The following ACO1 variants were observed in gnomAD, a reference collection of about 807,000 sequenced individuals.
The protein encoded by ACO1 is cytoplasmic aconitate hydratase.
ACO1 carries 78 observed loss-of-function variants against 105.1 expected under a neutral mutation model. That is an observed-to-expected ratio of 0.74 (90% confidence interval 0.62 to 0.90). ACO1 has a LOEUF of 0.90. Ranked by LOEUF, ACO1 falls within the 40% of genes least tolerant of loss-of-function variation. ACO1 has a pLI of 0.00. For missense variants in ACO1, 965 were observed against 1,111.1 expected, an observed-to-expected ratio of 0.87 and a Z score of 1.87; for synonymous variants, 364 against 397.4, an observed-to-expected ratio of 0.92 and a Z score of 1.00.
chr9:32,406,562 G>A (rs1040567267), intron 2 of ACO1, among the ~76,000 whole-genome samples: 1 of 152,146 alleles, frequency 6.6e-6, no homozygotes, highest in Non-Finnish European at 1.5e-5. Context: ...GTTTAAGGCT[G>A]CAATGAACTG....
intron 1 of ACO1, among the ~76,000 whole-genome samples, chr9:32,395,222 C>A (rs1587511660): frequency 3.3e-5 from 5 of 152,054 alleles, no homozygotes; most frequent in Admixed American, 2.0e-4. Context: ...ACACCTATAA[C>A]CCCAGCAATT....
intron 16 of ACO1, among the ~76,000 whole-genome samples, chr9:32,434,206 T>C (rs1822303264): frequency 6.6e-6 from 1 of 152,062 alleles, no homozygotes; most frequent in African/African-American, 2.4e-5. Flanking sequence ...CTCTCCTGGG[T>C]GGGTCACTGT....
At chr9:32,414,833 C>A (rs1821814644) in intron 4 of ACO1, among the ~76,000 whole-genome samples, 2 of 152,096 alleles carry the variant, frequency 1.3e-5, no homozygotes, top group South Asian at 4.1e-4. Context: ...AAATTAAATC[C>A]ATTTAGCAGA....
intron 13 of ACO1, among the ~76,000 whole-genome samples, chr9:32,430,083 T>C (rs1308014329): frequency 6.6e-6 from 1 of 152,266 alleles, no homozygotes; most frequent in Non-Finnish European, 1.5e-5. Context: ...ACGTATTCTA[T>C]AATTGTGCAT....
At chr9:32,447,063 T>G (rs1331430274) in intron 19 of ACO1, among the ~76,000 whole-genome samples, 2 of 150,466 alleles carry the variant, frequency 1.3e-5, no homozygotes, top group Non-Finnish European at 3.0e-5. Flanking sequence ...TGGGTCTTGT[T>G]GAGTATCTTT....
chr9:32,401,655 A>G (rs564696543), intron 1 of ACO1, among the ~76,000 whole-genome samples: 2 of 152,344 alleles, frequency 1.3e-5, no homozygotes, highest in East Asian at 1.9e-4. Flanking sequence ...AGTGTCCTCA[A>G]TTGAGCCAAA....
chr9:32,426,435 C>G (rs946028316), intron 11 of ACO1, among the ~76,000 whole-genome samples: 2 of 152,192 alleles, frequency 1.3e-5, no homozygotes, highest in African/African-American at 4.8e-5. Context: ...GGCCACTGGC[C>G]TGTTTCGCAA....
intron 17 of ACO1, 164 bp from the exon 18 acceptor site, chr9:32,436,086 C>A: frequency 1.1e-6 from 1 of 904,686 alleles, no homozygotes; most frequent in Non-Finnish European, 1.8e-6. Context: ...TCCGTTGAAG[C>A]TTTGGGGACA....
At position 32,384,729 on chromosome 9, in the gene ACO1, G is replaced by T. The variant is rs1041145611; in HGVS notation, c.-29G>T. 2.4e-6 allele frequency: 1 copy of T among 408,518 alleles called. No individual in the cohort carries two copies. 25.3% of individuals were successfully genotyped at this position (408,518 alleles called of 1,614,324 possible). A position where few individuals can be genotyped will look rare whatever the true frequency, so the allele number is the denominator to read the frequency against. On this transcript the variant is annotated 5_prime_UTR_variant, in exon 1 of 21. Transcript: ENST00000309951. ...CCGGTCGCGGGAGCCCCGCCGTGCAGTCGGAGGTGAGTACCGACGCGGCCC... is the reference window on the plus strand; with the variant it reads ...CCGGTCGCGGGAGCCCCGCCGTGCATTCGGAGGTGAGTACCGACGCGGCCC...
chr9:32,451,812 C>T lies in ACO1; in HGVS notation c.*1701C>T, dbSNP rs1454578835. The T allele has an allele frequency of 6.6e-6, 1 of 152,162 alleles. No homozygotes were observed. Among genetic ancestry groups the T allele is most frequent in the Non-Finnish European group, 1.5e-5 (1 of 68,032 alleles). 9.4% of individuals were successfully genotyped at this position (152,162 alleles called of 1,614,324 possible). A position where few individuals can be genotyped will look rare whatever the true frequency, so the allele number is the denominator to read the frequency against. On this transcript the variant is annotated 3_prime_UTR_variant, in exon 21 of 21. Transcript: ENST00000309951. ...GCGCAGTGGCTCATGCCTATAATTC[C>T]ATCACTTTGGGAGGCCGAGGTGGGT... is the stretch of plus-strand genomic sequence containing the variant.
intron 4 of ACO1, among the ~76,000 whole-genome samples, chr9:32,409,854 A>G (rs1296662275): frequency 1.3e-5 from 2 of 152,160 alleles, no homozygotes; most frequent in East Asian, 3.9e-4. Context: ...TCTTAATAAA[A>G]TGTGTTACAA....
rs770249339 is a variant in ACO1, at chr9:32,429,449, C to G, written c.1515C>G (p.Thr505=). The G allele has an allele frequency of 6.2e-7, 1 of 1,614,202 alleles. No homozygotes were observed. Among genetic ancestry groups the G allele is most frequent in the Non-Finnish European group, 8.5e-7 (1 of 1,180,044 alleles). Residue 505 remains threonine, a synonymous_variant, in exon 13 of 21, where the codon ACC becomes ACG. Transcript: ENST00000309951. The part of the protein sequence containing the change: ...GFDVVGYGCM[T]CIGNSGPLPE... ...ACGTGGTGGGCTATGGCTGCATGAC[C>G]TGCATTGGCAACAGTGGGCCTTTAC...
chr9:32,389,050 G>C (rs895005725), intron 1 of ACO1, among the ~76,000 whole-genome samples: 1 of 152,296 alleles, frequency 6.6e-6, no homozygotes, highest in African/African-American at 2.4e-5. Flanking sequence ...TTTGACTCTT[G>C]TCCAGGGTTA....
chr9:32,436,893 T>C (rs1026542721), intron 18 of ACO1, among the ~76,000 whole-genome samples: 1 of 152,190 alleles, frequency 6.6e-6, no homozygotes, highest in Non-Finnish European at 1.5e-5. Flanking sequence ...CTTAAAGTTA[T>C]TTCCATCTCT....
At chr9:32,405,361 A>T (rs539573290) in intron 1 of ACO1, 124 bp from the exon 2 acceptor site, 2 of 630,080 alleles carry the variant, frequency 3.2e-6, no homozygotes, top group South Asian at 4.1e-5. Context: ...TTCAGTGTGT[A>T]CATAGTTAAA....
intron 18 of ACO1, 109 bp downstream of exon 18, chr9:32,436,506 A>G (rs1822365470): frequency 7.8e-7 from 1 of 1,277,812 alleles, no homozygotes; most frequent in Non-Finnish European, 1.1e-6. Context: ...TCACAGCTCC[A>G]TCCTACCCTA....
intron 6 of ACO1, among the ~76,000 whole-genome samples, 165 bp from the exon 7 acceptor site, chr9:32,418,873 A>G (rs572662978): frequency 1.3e-5 from 2 of 152,358 alleles, no homozygotes; most frequent in Non-Finnish European, 2.9e-5. Flanking sequence ...AAAAAATTCT[A>G]TAAAGGAAAA....
chr9:32,443,765 AT>A (rs1179657463), intron 19 of ACO1, among the ~76,000 whole-genome samples: 2 of 152,208 alleles, frequency 1.3e-5, no homozygotes, highest in Non-Finnish European at 2.9e-5. Flanking sequence ...ATGGAGAATT[AT>A]AGAGGTAGCA....
intron 13 of ACO1, among the ~76,000 whole-genome samples, chr9:32,429,734 A>G (rs1176427604): frequency 3.3e-5 from 5 of 152,204 alleles, no homozygotes; most frequent in Non-Finnish European, 5.9e-5. Flanking sequence ...TATCTATTTT[A>G]TAGAGTTGTG....
Sources: gnomAD v4.1 joint callset for allele counts (sites outside exome capture counted in the v4.1 genomes callset) on GRCh38, gnomAD v4.1.1 for gene constraint, MANE v1.5 for transcripts, NCBI Gene and HGNC (gene_info 2026-07-23, HGNC 2026-07-21) for gene names.